DLG1: variants seen among roughly 807,000 people sequenced by gnomAD.
DLG1 encodes discs large MAGUK scaffold protein 1.
In DLG1, 42 loss-of-function variants were observed where a neutral mutation model predicts 123.4. The observed-to-expected ratio is 0.34, with a 90% confidence interval of 0.27 to 0.44. DLG1 has a LOEUF of 0.44. DLG1 is among the 20% of genes least tolerant of loss of function. The probability of loss-of-function intolerance (pLI) is 1.00; values close to 1 mark genes in which losing one functional copy is unlikely to be tolerated. For synonymous variants in DLG1, 317 were observed against 356.2 expected, an observed-to-expected ratio of 0.89 and a Z score of 1.24; for missense variants, 942 against 1,082.6, an observed-to-expected ratio of 0.87 and a Z score of 1.82.
chr3:197,296,592 A>G, intron 2 of DLG1, 115 bp from the exon 3 acceptor site: 1 of 889,322 alleles, frequency 1.1e-6, no homozygotes, highest in Non-Finnish European at 1.8e-6. Flanking sequence ...CTTCAGGTCA[A>G]TTGATGTCAC....
chr3:197,172,852 T>C (rs1315421110), intron 5 of DLG1, among the ~76,000 whole-genome samples: 1 of 152,226 alleles, frequency 6.6e-6, no homozygotes, highest in Non-Finnish European at 1.5e-5. Flanking sequence ...CATTTGAAAA[T>C]AAACATGTCT....
At chr3:197,288,422 T>A in intron 3 of DLG1, among the ~76,000 whole-genome samples, 1 of 145,762 alleles carries the variant, frequency 6.9e-6, no homozygotes, top group Non-Finnish European at 1.5e-5. Flanking sequence ...ACACAGTCAC[T>A]TAAAATGGTA....
intron 4 of DLG1, among the ~76,000 whole-genome samples, chr3:197,219,179 C>T (rs754240356): frequency 4.6e-5 from 7 of 151,858 alleles, no homozygotes; most frequent in East Asian, 1.9e-4. Context: ...ATTACCAAAA[C>T]GTTCACTGTC....
chr3:197,126,340 G>A (rs1408533747), intron 11 of DLG1, among the ~76,000 whole-genome samples: 3 of 152,066 alleles, frequency 2.0e-5, no homozygotes, highest in Non-Finnish European at 4.4e-5. Context: ...GCAGGGCGTG[G>A]TGGCGCATGC....
rs1351222061 is a variant in DLG1, at chr3:197,065,693, G to T, written c.2200+15C>A. On this transcript the variant is annotated intron_variant, in intron 21 of 24. Transcript: ENST00000667157. ...TTAAGAGTAACAATTAAATGTTTTT[G>T]TTTGGTTTACTTACGAGGAACACAG... 1.9e-6 allele frequency: 3 copies of T among 1,539,960 alleles called. No individual in the cohort carries two copies. Among genetic ancestry groups the T allele is most frequent in the Admixed American group, 1.8e-5 (1 of 55,844 alleles).
At chr3:197,203,119 TG>T (rs1417487408) in intron 4 of DLG1, among the ~76,000 whole-genome samples, 1 of 152,084 alleles carries the variant, frequency 6.6e-6, no homozygotes. Context: ...AAAAATTAGC[TG>T]GATGTGGTGA....
chr3:197,151,896 C>T (rs928598852), intron 5 of DLG1, among the ~76,000 whole-genome samples: 2 of 152,192 alleles, frequency 1.3e-5, no homozygotes, highest in South Asian at 2.1e-4. Flanking sequence ...GCCTTATTAC[C>T]GATGCTTGGG....
chr3:197,075,538 A>G (rs879656666), intron 18 of DLG1, among the ~76,000 whole-genome samples: 1 of 152,048 alleles, frequency 6.6e-6, no homozygotes, highest in African/African-American at 2.4e-5. Context: ...AAAAATCTTA[A>G]AAGTTTTTAT....
intron 5 of DLG1, among the ~76,000 whole-genome samples, chr3:197,153,140 ATTC>A (rs1057340548): frequency 2.6e-5 from 4 of 152,226 alleles, no homozygotes; most frequent in Admixed American, 6.5e-5. Context: ...ACTCCAGAGA[ATTC>A]TTCTTAGATC....
At chr3:197,147,531 TG>T (rs1248545264) in intron 6 of DLG1, among the ~76,000 whole-genome samples, 2 of 151,698 alleles carry the variant, frequency 1.3e-5, no homozygotes, top group African/African-American at 4.8e-5. Context: ...GCAACCTGAA[TG>T]GAACTGGAGA....
rs1000741836 is a variant in DLG1 at position 197,209,340 on chromosome 3, A to G, written c.319-14751T>C. Among the ~76,000 whole-genome samples the G allele has an allele frequency of 2.7e-5, 4 of 146,934 alleles. 1 individual carries two copies. Among genetic ancestry groups the G allele is most frequent in the Non-Finnish European group, 4.6e-5 (3 of 65,370 alleles). ...TAAAAATTTAATTCACCAGGAAGTT[A>G]TAAGAACCATAAATGTGTGTACTTA... On this transcript the variant is annotated intron_variant, in intron 4 of 24. Transcript: ENST00000667157.
chr3:197,188,730 A>G lies in DLG1; in HGVS notation c.483+5695T>C, dbSNP rs558159955. Among the ~76,000 whole-genome samples, 12 of 152,308 alleles carry G rather than the reference A, an allele frequency of 7.9e-5. 2 individuals are homozygous for G. The highest frequency in any genetic ancestry group is 7.8e-4 in the Admixed American group (12 of 15,306). On this transcript the variant is annotated intron_variant, in intron 5 of 24. Coordinates refer to ENST00000667157, the MANE Select transcript of DLG1 (RefSeq NM_001366207.1). ...GGAAAAGCTCTCTATATTAGCTTTTATTTTAAAAAAGAGACTACTAGTCTA... is the reference window on the plus strand; with the variant it reads ...GGAAAAGCTCTCTATATTAGCTTTTGTTTTAAAAAAGAGACTACTAGTCTA...
At chr3:197,080,267 C>CTTTTTTTTTTTTT (rs767056279) in intron 17 of DLG1, among the ~76,000 whole-genome samples, 2 of 51,904 alleles carry the variant, frequency 3.9e-5, no homozygotes, top group African/African-American at 1.7e-4. Context: ...GATATATTTC[C>CTTTTTTTTTTTTT]TTTTTTTTTT....
intron 5 of DLG1, among the ~76,000 whole-genome samples, chr3:197,193,746 T>A (rs1016845445): frequency 1.3e-5 from 2 of 151,942 alleles, no homozygotes; most frequent in Non-Finnish European, 2.9e-5. Context: ...ATACTCAGGA[T>A]TATAGTTACT....
chr3:197,058,097 G>C (rs910003363), intron 23 of DLG1, among the ~76,000 whole-genome samples: 3 of 151,742 alleles, frequency 2.0e-5, no homozygotes, highest in Non-Finnish European at 4.4e-5. Flanking sequence ...CCCCATCTCA[G>C]CATCCCAAGT....
intron 17 of DLG1, 55 bp from the exon 18 acceptor site, chr3:197,076,740 A>C: frequency 7.3e-7 from 1 of 1,370,960 alleles, no homozygotes; most frequent in Non-Finnish European, 1.0e-6. Context: ...TGTGTGTACA[A>C]AGGCCCAGCC....
At chr3:197,085,057 G>A (rs1038263872) in intron 16 of DLG1, among the ~76,000 whole-genome samples, 3 of 151,290 alleles carry the variant, frequency 2.0e-5, no homozygotes, top group African/African-American at 7.3e-5. Context: ...AAAAGTGCTG[G>A]GATTACAGGA....
intron 5 of DLG1, among the ~76,000 whole-genome samples, chr3:197,190,937 G>T (rs934178873): frequency 6.6e-6 from 1 of 152,174 alleles, no homozygotes; most frequent in Non-Finnish European, 1.5e-5. Flanking sequence ...GTGAACCCGG[G>T]AGGCGGAGCT....
intron 5 of DLG1, among the ~76,000 whole-genome samples, chr3:197,165,587 C>T (rs1801008441): frequency 6.6e-6 from 1 of 152,134 alleles, no homozygotes; most frequent in Admixed American, 6.5e-5. Flanking sequence ...GGACTCCAAT[C>T]ACCATTTATA....
Sources: allele counts gnomAD v4.1 joint callset (sites outside exome capture counted in the v4.1 genomes callset), GRCh38; gene constraint gnomAD v4.1.1; transcripts MANE v1.5; gene names NCBI Gene and HGNC (gene_info 2026-07-23, HGNC 2026-07-21).